ANO10: variants seen among roughly 807,000 people sequenced by gnomAD.
ANO10 encodes anoctamin-10.
ANO10 carries 77 observed loss-of-function variants against 74.7 expected under a neutral mutation model. The observed-to-expected ratio is 1.03, with a 90% CI of 0.86 to 1.25. The LOEUF (loss-of-function observed/expected upper bound fraction) is 1.25, where lower values mean the gene tolerates loss of function less well. Ranked by LOEUF, ANO10 falls within the 50% of genes most tolerant of loss-of-function variation. The probability of loss-of-function intolerance (pLI) is 0.00; values close to 1 mark genes in which losing one functional copy is unlikely to be tolerated. For missense variants in ANO10, 721 were observed against 778.1 expected, an observed-to-expected ratio of 0.93 and a Z score of 0.87; for synonymous variants, 279 against 284.9, an observed-to-expected ratio of 0.98 and a Z score of 0.21.
At chr3:43,520,220 T>C (rs2077890016) in intron 11 of ANO10, among the ~76,000 whole-genome samples, 1 of 152,204 alleles carries the variant, frequency 6.6e-6, no homozygotes. Flanking sequence ...AGGTCATTAA[T>C]CCAGTTTTAG....
intron 4 of ANO10, among the ~76,000 whole-genome samples, chr3:43,596,112 G>A (rs546546881): frequency 8.5e-5 from 13 of 152,056 alleles, no homozygotes; most frequent in Admixed American, 2.0e-4. Context: ...GAAATAAAAG[G>A]GGACACAAAC....
At chr3:43,690,752 C>T in intron 1 of ANO10, 2 of 428,782 alleles carry the variant, frequency 4.7e-6, no homozygotes, top group East Asian at 7.5e-5. Flanking sequence ...TCCCGCCCCG[C>T]GCTTACACCC....
intron 12 of ANO10, among the ~76,000 whole-genome samples, chr3:43,406,260 A>C (rs906250017): frequency 3.3e-5 from 5 of 152,186 alleles, no homozygotes; most frequent in Non-Finnish European, 5.9e-5. Flanking sequence ...TCTTGAGCAG[A>C]CTGTACATCA....
chr3:43,458,793 C>T (rs927670699), intron 11 of ANO10, among the ~76,000 whole-genome samples: 2 of 152,086 alleles, frequency 1.3e-5, no homozygotes, highest in Non-Finnish European at 2.9e-5. Flanking sequence ...TTTGTCCTAA[C>T]GCTCTCCCTC....
At position 43,516,071 on chromosome 3, in the gene ANO10, G is replaced by C. The variant is rs544505123; in HGVS notation, c.1797+33649C>G. Among the ~76,000 whole-genome samples, 16 of 152,206 alleles carry C rather than the reference G, an allele frequency of 1.1e-4. No homozygotes were observed. The South Asian group carries it at 3.1e-3, about 30-fold the overall frequency. On this transcript the variant is annotated intron_variant, in intron 11 of 12. Coordinates refer to ENST00000292246, the MANE Select transcript of ANO10 (RefSeq NM_018075.5). ...CTTACATTAGCAACACCCCAATTGA[G>C]CACCAACCATGTGCTCAGTACTGTG... is the stretch of plus-strand genomic sequence containing the variant.
intron 12 of ANO10, among the ~76,000 whole-genome samples, chr3:43,376,806 T>A (rs1009213048): frequency 6.6e-6 from 1 of 152,238 alleles, no homozygotes; most frequent in Non-Finnish European, 1.5e-5. Context: ...TGTAACTAGA[T>A]CTACAGGTGT....
chr3:43,386,650 T>TGTGTAC (rs1470492173), intron 12 of ANO10, among the ~76,000 whole-genome samples: 4 of 123,362 alleles, frequency 3.2e-5, no homozygotes, highest in African/African-American at 1.1e-4. Context: ...GGTGTGTACG[T>TGTGTAC]GTGTGTGTGT....
At chr3:43,484,922 C>G (rs376954471) in intron 11 of ANO10, 21 of 738,788 alleles carry the variant, frequency 2.8e-5, no homozygotes, top group Non-Finnish European at 4.2e-5. Context: ...TTTTTTTCAC[C>G]GGGGCGTTCC....
At chr3:43,463,989 G>A (rs527775166) in intron 11 of ANO10, among the ~76,000 whole-genome samples, 21 of 152,204 alleles carry the variant, frequency 1.4e-4, no homozygotes, top group Non-Finnish European at 2.8e-4. Context: ...GGAGTTCCAC[G>A]GCACAAGCTC....
intron 1 of ANO10, among the ~76,000 whole-genome samples, chr3:43,681,124 A>C (rs968050777): frequency 9.2e-5 from 14 of 152,190 alleles, no homozygotes; most frequent in African/African-American, 3.4e-4. Context: ...ATTAAAAGAC[A>C]CAGACTGGCA....
intron 1 of ANO10, among the ~76,000 whole-genome samples, chr3:43,662,743 ACC>A (rs973181169): frequency 6.6e-6 from 1 of 152,220 alleles, no homozygotes; most frequent in Non-Finnish European, 1.5e-5. Context: ...ACAAACTACC[ACC>A]AGAGAATACT....
At chr3:43,685,252 T>C (rs2149584171) in intron 1 of ANO10, among the ~76,000 whole-genome samples, 1 of 152,344 alleles carries the variant, frequency 6.6e-6, no homozygotes, top group South Asian at 2.1e-4. Context: ...TTTCTTCTTA[T>C]CAGGTATCCA....
At chr3:43,428,828 G>C (rs1378386739) in intron 12 of ANO10, among the ~76,000 whole-genome samples, 1 of 68,198 alleles carries the variant, frequency 1.5e-5, no homozygotes, top group Non-Finnish European at 3.2e-5. Flanking sequence ...AGTCATTGAA[G>C]CATTTCAGAT....
chr3:43,528,160 C>G (rs1418127992), intron 11 of ANO10, among the ~76,000 whole-genome samples: 1 of 150,160 alleles, frequency 6.7e-6, no homozygotes, highest in African/African-American at 2.4e-5. Flanking sequence ...TTCTTTCCAA[C>G]AAGAGCTACT....
At chr3:43,380,724 C>A (rs113200036) in intron 12 of ANO10, among the ~76,000 whole-genome samples, 29 of 152,078 alleles carry the variant, frequency 1.9e-4, no homozygotes, top group Non-Finnish European at 2.4e-4. Flanking sequence ...TCAAAATACA[C>A]CAAAATAGAA....
intron 12 of ANO10, among the ~76,000 whole-genome samples, chr3:43,425,928 T>C (rs2092893596): frequency 6.6e-6 from 1 of 152,018 alleles, no homozygotes; most frequent in Admixed American, 6.6e-5. Flanking sequence ...TGAAGAAACA[T>C]TTACCATGTA....
intron 11 of ANO10, among the ~76,000 whole-genome samples, chr3:43,457,938 C>T (rs1309295457): frequency 6.6e-6 from 1 of 152,054 alleles, no homozygotes; most frequent in Non-Finnish European, 1.5e-5. Flanking sequence ...CAACCCATCC[C>T]CCACCCCCTA....
intron 11 of ANO10, among the ~76,000 whole-genome samples, chr3:43,509,099 T>C (rs1000554526): frequency 1.3e-5 from 2 of 151,840 alleles, no homozygotes. Flanking sequence ...ACCATCATTC[T>C]GAGCAAACTA....
chr3:43,633,586 T>G (rs1443944553), intron 1 of ANO10, among the ~76,000 whole-genome samples: 1 of 152,228 alleles, frequency 6.6e-6, no homozygotes, highest in Non-Finnish European at 1.5e-5. Context: ...CTGTTCATTC[T>G]AAATTTAGAT....
Sources: gnomAD v4.1 joint callset for allele counts (sites outside exome capture counted in the v4.1 genomes callset) on GRCh38, gnomAD v4.1.1 for gene constraint, MANE v1.5 for transcripts, NCBI Gene and HGNC (gene_info 2026-07-23, HGNC 2026-07-21) for gene names.